The following WDR3 variants were observed in gnomAD, a reference collection of about 807,000 sequenced individuals.
WDR3 encodes WD repeat domain 3, also known as WD repeat-containing protein 3.
A neutral mutation model predicts 123.7 loss-of-function variants in WDR3; 81 were observed. That is an observed-to-expected ratio of 0.65 (90% CI 0.55 to 0.79). The LOEUF (loss-of-function observed/expected upper bound fraction) is 0.79. Among genes scored for constraint, WDR3 ranks in the 30% least tolerant of loss-of-function variants. The pLI, the probability that WDR3 is intolerant of heterozygous loss-of-function variation, is 0.00. For missense variants in WDR3, 1,027 were observed against 1,123.2 expected (o/e 0.91, Z 1.22); for synonymous variants, 390 against 388.8 (o/e 1.00, Z -0.04).
chr1:117,949,690 T>A, intron 13 of WDR3, 61 bp from the exon 14 acceptor site: 1 of 1,550,624 alleles, frequency 6.4e-7, no homozygotes, highest in East Asian at 2.3e-5. Flanking sequence ...TTAAAATGTA[T>A]CTTCATAGCA....
intron 13 of WDR3, among the ~76,000 whole-genome samples, chr1:117,948,725 C>T (rs1236971487): frequency 6.6e-6 from 1 of 151,928 alleles, no homozygotes; most frequent in East Asian, 1.9e-4. Context: ...AATTGCTTAC[C>T]ATCATGATTT....
intron 1 of WDR3, among the ~76,000 whole-genome samples, chr1:117,931,614 T>C (rs1650738348): frequency 6.6e-6 from 1 of 152,134 alleles, no homozygotes; most frequent in Non-Finnish European, 1.5e-5. Flanking sequence ...GGACTGGAAA[T>C]AGACAGATGG....
chr1:117,959,397 A>G lies in WDR3; in HGVS notation c.2782A>G (p.Lys928Glu). The G allele has an allele frequency of 6.2e-7, 1 of 1,613,778 alleles. No individual in the cohort carries two copies. Among genetic ancestry groups the G allele is most frequent in the Admixed American group, 1.7e-5 (1 of 59,990 alleles). ...FADATSHLEE[K>E]KRKRKKREKL... ...TGATGCTACTAGCCACTTGGAAGAG[A>G]AGAAGAGGAAGAGGAAAAAGAGGGA... The change falls in exon 27 of 27, where the codon AAG becomes GAG. Residue 928 changes from lysine to glutamate, a missense_variant. Lys to Glu is a moderately conservative substitution (Grantham distance 56). Coordinates refer to ENST00000349139, the MANE Select transcript of WDR3 (RefSeq NM_006784.3).
chr1:117,938,984 C>G (rs1234730375), intron 5 of WDR3, among the ~76,000 whole-genome samples: 1 of 152,132 alleles, frequency 6.6e-6, no homozygotes, highest in East Asian at 1.9e-4. Flanking sequence ...GTGCTTTATT[C>G]ATATCAGGCA....
intron 1 of WDR3, among the ~76,000 whole-genome samples, chr1:117,932,560 A>G (rs1650770791): frequency 2.0e-5 from 3 of 152,208 alleles, no homozygotes; most frequent in African/African-American, 7.2e-5. Context: ...CCTTGTTAAT[A>G]GTGTATTTCC....
Position 117,959,553 on chromosome 1 carries a change from A to G in WDR3, c.*106A>G, listed in dbSNP as rs1652751783. On this transcript the variant is annotated 3_prime_UTR_variant, in exon 27 of 27. Coordinates refer to ENST00000349139, the MANE Select transcript of WDR3 (RefSeq NM_006784.3). ...TCTTAAAAATACCAAATAACAGAAG[A>G]TCGCATTGCAGATGATATCAGGATG... The G allele has an allele frequency of 3.3e-6, 4 of 1,214,196 alleles. No individual in the cohort carries two copies. Among genetic ancestry groups the G allele is most frequent in the Non-Finnish European group, 3.3e-6 (3 of 904,942 alleles). 75.2% of individuals were successfully genotyped at this position (1,214,196 alleles called of 1,614,324 possible).
At chr1:117,955,396 A>T in intron 24 of WDR3, 38 bp downstream of exon 24, 1 of 1,596,950 alleles carries the variant, frequency 6.3e-7, no homozygotes, top group Non-Finnish European at 8.6e-7. Context: ...GTAATCTGTC[A>T]GCAAACATTT....
At chr1:117,951,608 C>A (rs918303750) in intron 16 of WDR3, among the ~76,000 whole-genome samples, 5 of 150,750 alleles carry the variant, frequency 3.3e-5, no homozygotes, top group African/African-American at 1.2e-4. Context: ...CATAAACATT[C>A]TAGTAGAGTC....
chr1:117,946,237 T>A, intron 12 of WDR3, 58 bp downstream of exon 12: 1 of 1,396,492 alleles, frequency 7.2e-7, no homozygotes. Flanking sequence ...TTCATAAAGT[T>A]AAGAAATCTG....
chr1:117,935,723 G>A (rs1383259396), intron 3 of WDR3, among the ~76,000 whole-genome samples: 1 of 151,834 alleles, frequency 6.6e-6, no homozygotes, highest in Non-Finnish European at 1.5e-5. Flanking sequence ...AAATATGTAA[G>A]TAAATATCCG....
At chr1:117,931,048 A>G (rs1224699259) in intron 1 of WDR3, among the ~76,000 whole-genome samples, 1 of 152,198 alleles carries the variant, frequency 6.6e-6, no homozygotes, top group East Asian at 1.9e-4. Flanking sequence ...TCTGGACTCA[A>G]GTGATCTTTC....
chr1:117,952,680 G>A lies in WDR3; in HGVS notation c.2151+18G>A. 6.2e-7 allele frequency: 1 copy of A among 1,609,978 alleles called. No homozygotes were observed. Among genetic ancestry groups the A allele is most frequent in the Non-Finnish European group, 8.5e-7 (1 of 1,178,332 alleles). ...GGGAGATGGTAAGAACTTTAGGCTT[G>A]GTTACAAATATGCCAGTAGGTATCT... On this transcript the variant is annotated intron_variant, in intron 19 of 26. Coordinates refer to ENST00000349139, the MANE Select transcript of WDR3 (RefSeq NM_006784.3).
At chr1:117,929,860 C>G (rs1650636166) in intron 1 of WDR3, 78 bp downstream of exon 1, 1 of 152,378 alleles carries the variant, frequency 6.6e-6, no homozygotes, top group South Asian at 2.1e-4. Flanking sequence ...CTGAGGCGTT[C>G]GTGATGTCAG....
intron 12 of WDR3, among the ~76,000 whole-genome samples, chr1:117,946,649 T>A (rs963121334): frequency 1.3e-5 from 2 of 151,984 alleles, no homozygotes; most frequent in South Asian, 4.2e-4. Context: ...CCTTTAGAAA[T>A]AGGTAATTTG....
At chr1:117,958,237 C>T (rs1652504370) in intron 25 of WDR3, among the ~76,000 whole-genome samples, 1 of 152,210 alleles carries the variant, frequency 6.6e-6, no homozygotes, top group African/African-American at 2.4e-5. Context: ...TTCTTATACT[C>T]TATCCAGGAT....
chr1:117,940,738 A>G (rs1296715615), intron 6 of WDR3, 89 bp from the exon 7 acceptor site: 10 of 1,228,768 alleles, frequency 8.1e-6, no homozygotes, highest in African/African-American at 6.2e-5. Flanking sequence ...CGACAACAAC[A>G]ACAACAACAA....
rs1171226340 is a variant in WDR3 at position 117,957,180 on chromosome 1, CTCT to C, written c.2572_2574del (p.Phe858del). ...TGATGTTGAACTTATATGCCGGTGC[CTCT>C]TCTTCCTCCTTAGGTAACATCCTTT... On this transcript the variant is annotated inframe_deletion, in exon 25 of 27. Coordinates refer to ENST00000349139, the MANE Select transcript of WDR3 (RefSeq NM_006784.3). 4 of 1,611,334 alleles carry C rather than the reference CTCT, an allele frequency of 2.5e-6. No individual in the cohort carries two copies. In the East Asian group the frequency reaches 6.7e-5, roughly 27 times the overall value.
intron 24 of WDR3, 133 bp from the exon 25 acceptor site, chr1:117,956,935 A>G: frequency 1.5e-6 from 1 of 675,446 alleles, no homozygotes; most frequent in South Asian, 3.1e-5. Context: ...TTACAGATGA[A>G]TATTTAACTC....
intron 23 of WDR3, 86 bp downstream of exon 23, chr1:117,954,713 G>T: frequency 1.5e-6 from 2 of 1,346,154 alleles, no homozygotes; most frequent in South Asian, 2.6e-5. Context: ...TTATGATTTG[G>T]GGATGGATTA....
Sources: allele counts gnomAD v4.1 joint callset (sites outside exome capture counted in the v4.1 genomes callset), GRCh38; gene constraint gnomAD v4.1.1; transcripts MANE v1.5; gene names NCBI Gene and HGNC (gene_info 2026-07-23, HGNC 2026-07-21).